The following COL8A1 variants were observed in gnomAD, a reference collection of about 807,000 sequenced individuals.
COL8A1 encodes the protein collagen alpha-1(VIII) chain.
COL8A1 carries 21 observed loss-of-function variants against 42.7 expected under a neutral mutation model. The observed-to-expected ratio is 0.49, with a 90% CI of 0.35 to 0.71. The LOEUF is 0.71. COL8A1 is among the 30% of genes least tolerant of loss of function. The pLI is 0.01. For synonymous variants in COL8A1, 367 were observed against 369.1 expected (o/e 0.99, Z 0.06); for missense variants, 788 against 962.4 (o/e 0.82, Z 2.40).
intron 1 of COL8A1, among the ~76,000 whole-genome samples, chr3:99,724,932 G>A (rs940608478): frequency 2.0e-5 from 3 of 152,056 alleles, no homozygotes; most frequent in Non-Finnish European, 4.4e-5. Flanking sequence ...GTCTATGTGT[G>A]TGTAATAGTC....
intron 1 of COL8A1, among the ~76,000 whole-genome samples, chr3:99,717,349 C>T (rs927616727): frequency 7.2e-5 from 11 of 151,924 alleles, no homozygotes; most frequent in Non-Finnish European, 1.5e-4. Context: ...CTTGGCAGGG[C>T]GTATTTTAGC....
chr3:99,680,262 T>C (rs570210355), intron 1 of COL8A1: 34 of 152,504 alleles, frequency 2.2e-4, no homozygotes, highest in African/African-American at 8.2e-4. Context: ...TTTCTGTCTT[T>C]GCGATAGTTT....
intron 2 of COL8A1, among the ~76,000 whole-genome samples, chr3:99,777,466 C>G (rs1215397260): frequency 6.6e-6 from 1 of 152,140 alleles, no homozygotes; most frequent in Non-Finnish European, 1.5e-5. Context: ...ATCATGACAA[C>G]CAATCCTTAA....
At chr3:99,681,818 C>T (rs1001844893) in intron 1 of COL8A1, among the ~76,000 whole-genome samples, 5 of 152,148 alleles carry the variant, frequency 3.3e-5, no homozygotes, top group Admixed American at 2.0e-4. Flanking sequence ...AAGTATATTA[C>T]ATTGGTTATC....
At chr3:99,723,003 TTGTGTGTGTGTG>T (rs34062497) in intron 1 of COL8A1, among the ~76,000 whole-genome samples, 2 of 147,078 alleles carry the variant, frequency 1.4e-5, no homozygotes, top group Non-Finnish European at 3.0e-5. Context: ...GAGACCAAAG[TTGTGTGTGTGTG>T]TGTGTGTGTG....
chr3:99,658,544 C>T (rs1397548059), intron 1 of COL8A1, among the ~76,000 whole-genome samples: 1 of 152,186 alleles, frequency 6.6e-6, no homozygotes, highest in East Asian at 1.9e-4. Context: ...AACCAAGTTA[C>T]AGCCTGATTT....
chr3:99,725,308 G>A (rs543325873), intron 1 of COL8A1, among the ~76,000 whole-genome samples: 149 of 152,046 alleles, frequency 9.8e-4, no homozygotes, highest in African/African-American at 3.3e-3. Flanking sequence ...TCTTTTAAAC[G>A]TCTGTTTGAA....
At chr3:99,651,447 C>CA (rs946288423) in intron 1 of COL8A1, among the ~76,000 whole-genome samples, 70 of 152,316 alleles carry the variant, frequency 4.6e-4, no homozygotes, top group African/African-American at 1.6e-3. Flanking sequence ...CTGCAGTGGA[C>CA]AACCTGAAAC....
intron 2 of COL8A1, among the ~76,000 whole-genome samples, chr3:99,788,404 C>T (rs1019677212): frequency 6.6e-6 from 1 of 152,152 alleles, no homozygotes; most frequent in Non-Finnish European, 1.5e-5. Flanking sequence ...GAAGTATAAT[C>T]CAACATATCC....
At chr3:99,675,143 T>G (rs1287586732) in intron 1 of COL8A1, among the ~76,000 whole-genome samples, 2 of 151,942 alleles carry the variant, frequency 1.3e-5, no homozygotes, top group Non-Finnish European at 2.9e-5. Flanking sequence ...AGCATTAGTT[T>G]CTCACATAGC....
chr3:99,742,324 G>C (rs1940920231), intron 1 of COL8A1, among the ~76,000 whole-genome samples: 1 of 152,144 alleles, frequency 6.6e-6, no homozygotes, highest in Non-Finnish European at 1.5e-5. Flanking sequence ...AATAATTCTT[G>C]CTTAGTACTG....
chr3:99,701,594 T>C (rs1004215660), intron 1 of COL8A1, among the ~76,000 whole-genome samples: 3 of 152,212 alleles, frequency 2.0e-5, no homozygotes, highest in Non-Finnish European at 4.4e-5. Context: ...AGAGGTGTTA[T>C]CCTCCTAATT....
Position 99,795,430 on chromosome 3 carries a change from G to T in COL8A1, c.1529G>T (p.Gly510Val). ...ATTGGGGGCCCTAGTGGCCCCATTG[G>T]ACCACCTGGGATTCCAGGCCCCAAA... Reference protein sequence around the residue: ...PGIGGPSGPIGPPGIPGPKGE... With the variant: ...PGIGGPSGPIVPPGIPGPKGE... Residue 510 changes from glycine (G) to valine (V), a missense_variant, in exon 4 of 4, where the codon GGA (glycine) becomes GTA (valine). Gly to Val is a moderately radical substitution (Grantham distance 109, BLOSUM62 -3). Around this residue, in one of 4 missense-constraint regions of COL8A1, gnomAD observed 154 missense variants for 182.3 expected, o/e 0.84. Coordinates refer to ENST00000652472, the MANE Select transcript of COL8A1 (RefSeq NM_020351.4). 5 of 1,520,262 alleles carry T rather than the reference G, an allele frequency of 3.3e-6. No individual in the cohort carries two copies. Among genetic ancestry groups the T allele is most frequent in the Non-Finnish European group, 4.4e-6 (5 of 1,131,762 alleles). 94.2% of individuals were successfully genotyped at this position (1,520,262 alleles called of 1,614,324 possible).
rs189524729 is a variant in COL8A1 at position 99,641,159 on chromosome 3, G to T, written c.-129+2495G>T. Among the ~76,000 whole-genome samples, 31 of 152,148 alleles carry T rather than the reference G, an allele frequency of 2.0e-4. 1 individual carries two copies. The highest frequency in any genetic ancestry group is 4.6e-4 in the Admixed American group (7 of 15,278). On this transcript the variant is annotated intron_variant, in intron 1 of 3. Coordinates refer to ENST00000652472, the MANE Select transcript of COL8A1 (RefSeq NM_020351.4). ...TAAAAATCAAGGAGAAGAGGATTGGGGTGAAAAGGGACTTGAAAGAGAAGC... is the reference window on the plus strand; with the variant it reads ...TAAAAATCAAGGAGAAGAGGATTGGTGTGAAAAGGGACTTGAAAGAGAAGC...
In COL8A1 at chr3:99,794,398, C is replaced by T; in HGVS notation, c.497C>T (p.Pro166Leu). ...GVGKPGMPGM[P>L]GKPGAMGMPG... ...GGAAAGCCAGGTATGCCTGGAATGC[C>T]AGGGAAGCCAGGAGCCATGGGCATG... The change falls in exon 4 of 4, where the codon CCA becomes CTA. Residue 166 changes from proline (P) to leucine (L), a missense_variant. Transcript: ENST00000652472. This position sits in a 1 kb window ranked among gnomAD's most constrained non-coding sequence, Gnocchi z 4.3. The T allele has an allele frequency of 1.9e-6, 3 of 1,613,982 alleles. No homozygotes were observed. Among genetic ancestry groups the T allele is most frequent in the East Asian group, 2.2e-5 (1 of 44,844 alleles).
chr3:99,674,243 T>C (rs1938625645), intron 1 of COL8A1, among the ~76,000 whole-genome samples: 1 of 151,886 alleles, frequency 6.6e-6, no homozygotes, highest in Non-Finnish European at 1.5e-5. Context: ...ATAAGAACCT[T>C]TCAGCTTTGT....
chr3:99,712,325 C>A (rs1249782319), intron 1 of COL8A1, among the ~76,000 whole-genome samples: 1 of 152,118 alleles, frequency 6.6e-6, no homozygotes, highest in Non-Finnish European at 1.5e-5. Context: ...GCATCAGCAA[C>A]ATATGGAGTA....
At chr3:99,681,300 A>T (rs1938873651) in intron 1 of COL8A1, among the ~76,000 whole-genome samples, 1 of 152,176 alleles carries the variant, frequency 6.6e-6, no homozygotes. Flanking sequence ...CAAGAAAAAA[A>T]ATCAAACAAC....
At chr3:99,768,214 T>G (rs1434763430) in intron 2 of COL8A1, among the ~76,000 whole-genome samples, 2 of 152,202 alleles carry the variant, frequency 1.3e-5, no homozygotes, top group African/African-American at 2.4e-5. Flanking sequence ...GACATTTTCT[T>G]TTTTGCACAG....
Sources: gnomAD v4.1 joint callset for allele counts (sites outside exome capture counted in the v4.1 genomes callset) on GRCh38, gnomAD v4.1.1 for gene constraint, gnomAD v4.1.1 regional missense constraint, Gnocchi (gnomAD v3.1) non-coding constraint, MANE v1.5 for transcripts, NCBI Gene and HGNC (gene_info 2026-07-23, HGNC 2026-07-21) for gene names.